Variants in MAP2K5 observed in about 807,000 individuals in gnomAD.
The protein encoded by MAP2K5 is mitogen-activated protein kinase kinase 5.
A neutral mutation model predicts 83.1 loss-of-function variants in MAP2K5; 49 were observed. That is an observed-to-expected ratio of 0.59 (90% CI 0.47 to 0.75). MAP2K5 has a LOEUF of 0.75. Among genes scored for constraint, MAP2K5 ranks in the 30% least tolerant of loss-of-function variants. The pLI, the probability that MAP2K5 is intolerant of heterozygous loss-of-function variation, is 0.00. For synonymous variants in MAP2K5, 202 were observed against 191.8 expected, an observed-to-expected ratio of 1.05 and a Z score of -0.44; for missense variants, 457 against 557.5, an observed-to-expected ratio of 0.82 and a Z score of 1.82.
rs551487476 is a variant in MAP2K5, at chr15:67,758,003, G to C, written c.1134+9402G>C. 3.3e-5 allele frequency among the ~76,000 whole-genome samples: 5 copies of C among 152,196 alleles called. No individual in the cohort carries two copies. In the South Asian group the frequency reaches 8.3e-4, roughly 25 times the overall value. On this transcript the variant is annotated intron_variant, in intron 19 of 21. Coordinates refer to ENST00000178640, the MANE Select transcript of MAP2K5 (RefSeq NM_145160.3). The surrounding 1 kb of genome is among the most constrained non-coding windows in gnomAD (Gnocchi z 4.7). The stretch of plus-strand genomic sequence containing the variant: ...CAGTATGGCTGGGGTGTTTGGGCAA[G>C]TATTATGAGATATAAACCAAGGGCC...
chr15:67,794,362 G>A lies in MAP2K5; in HGVS notation c.1243-12284G>A, dbSNP rs948857996. 1.3e-5 allele frequency among the ~76,000 whole-genome samples: 2 copies of A among 152,170 alleles called. No individual in the cohort carries two copies. Among genetic ancestry groups the A allele is most frequent in the Admixed American group, 1.3e-4 (2 of 15,278 alleles). On this transcript the variant is annotated intron_variant, in intron 21 of 21. Transcript: ENST00000178640. The surrounding 1 kb of genome is among the most constrained non-coding windows in gnomAD (Gnocchi z 4.6). The stretch of plus-strand genomic sequence containing the variant: ...GATGATTTTTATTTGCTGCTGGGAT[G>A]CAAAACAATCAGAATTTTCGAAGAG...
rs1243831035 is a variant in MAP2K5 at position 67,758,773 on chromosome 15, ACT to A, written c.1134+10175_1134+10176del. Among the ~76,000 whole-genome samples the A allele has an allele frequency of 4.6e-5, 7 of 152,004 alleles. No homozygotes were observed. Among genetic ancestry groups the A allele is most frequent in the African/African-American group, 1.5e-4 (6 of 41,374 alleles). ...TCCTGTCACATTCTTTCCCCACAAC[ACT>A]CTATTTTACAGACAAGGAAACTGAG... On this transcript the variant is annotated intron_variant, in intron 19 of 21. Coordinates refer to ENST00000178640, the MANE Select transcript of MAP2K5 (RefSeq NM_145160.3). The surrounding 1 kb of genome is among the most constrained non-coding windows in gnomAD (Gnocchi z 4.7).
chr15:67,554,866 G>A (rs947644628), intron 2 of MAP2K5, among the ~76,000 whole-genome samples: 1 of 152,202 alleles, frequency 6.6e-6, no homozygotes, highest in Non-Finnish European at 1.5e-5. Context: ...ATCTAAATGA[G>A]TAATTTGCGT....
rs2090713992 is a variant in MAP2K5, at chr15:67,801,941, C to G, written c.1243-4705C>G. ...GTACATTCCTATTTCAGAAGAAGCT[C>G]AAAGCCCAACTAAGGGCAGACAGCG... On this transcript the variant is annotated intron_variant, in intron 21 of 21. Coordinates refer to ENST00000178640, the MANE Select transcript of MAP2K5 (RefSeq NM_145160.3). This position sits in a 1 kb window ranked among gnomAD's most constrained non-coding sequence, Gnocchi z 4.8. 6.6e-6 allele frequency among the ~76,000 whole-genome samples: 1 copy of G among 152,216 alleles called. No individual in the cohort carries two copies. Among genetic ancestry groups the G allele is most frequent in the Non-Finnish European group, 1.5e-5 (1 of 68,036 alleles).
intron 4 of MAP2K5, among the ~76,000 whole-genome samples, chr15:67,582,773 T>A (rs1469946877): frequency 7.9e-5 from 12 of 152,004 alleles, no homozygotes; most frequent in Admixed American, 7.9e-4. Context: ...GTGAGCCATG[T>A]TTGTGCCACT....
intron 13 of MAP2K5, among the ~76,000 whole-genome samples, chr15:67,688,132 T>G (rs965856069): frequency 2.0e-5 from 3 of 152,224 alleles, no homozygotes; most frequent in Admixed American, 6.5e-5. Flanking sequence ...CATAGTAGTA[T>G]TCCAGGGACA....
chr15:67,628,419 G>A (rs183793613), intron 8 of MAP2K5: 6,297 of 548,646 alleles, frequency 0.011, 46 homozygotes, highest in Non-Finnish European at 0.016. Flanking sequence ...GGCAGTGGCT[G>A]TGGTGAGCCA....
chr15:67,543,380 G>A lies in MAP2K5; in HGVS notation c.45G>A (p.Gln15=). ...GCCCCTTTCCTGCCATGGAGAACCAGGTGCTGGTAATTCGCATCAAGATCC... is the reference window on the plus strand; with the variant it reads ...GCCCCTTTCCTGCCATGGAGAACCAAGTGCTGGTAATTCGCATCAAGATCC... ...ALGPFPAMEN[Q]VLVIRIKIPN... is the part of the protein sequence containing the mutation. Residue 15 remains glutamine (Q), a synonymous_variant, in exon 1 of 22, where the codon CAG becomes CAA. Coordinates refer to ENST00000178640, the MANE Select transcript of MAP2K5 (RefSeq NM_145160.3). The surrounding 1 kb of genome is among the most constrained non-coding windows in gnomAD (Gnocchi z 4.3). The A allele has an allele frequency of 2.5e-6, 4 of 1,614,228 alleles. No individual in the cohort carries two copies. Among genetic ancestry groups the A allele is most frequent in the Non-Finnish European group, 3.4e-6 (4 of 1,180,050 alleles).
At chr15:67,575,637 G>GT (rs2085039497) in intron 3 of MAP2K5, among the ~76,000 whole-genome samples, 1 of 152,124 alleles carries the variant, frequency 6.6e-6, no homozygotes, top group African/African-American at 2.4e-5. Context: ...ATAAATATAC[G>GT]TTTTATGCCC....
intron 8 of MAP2K5, among the ~76,000 whole-genome samples, chr15:67,603,981 C>T (rs1659690027): frequency 6.6e-6 from 1 of 152,184 alleles, no homozygotes; most frequent in Non-Finnish European, 1.5e-5. Context: ...TTTAATAATG[C>T]AGTCTTATTC....
intron 13 of MAP2K5, chr15:67,679,613 C>A (rs1442357326): frequency 6.6e-6 from 1 of 152,038 alleles, no homozygotes; most frequent in Non-Finnish European, 1.5e-5. Flanking sequence ...AGGCCTAGAG[C>A]ATATCAGTTC....
intron 3 of MAP2K5, among the ~76,000 whole-genome samples, chr15:67,570,443 T>C (rs1324334749): frequency 1.3e-5 from 2 of 152,214 alleles, no homozygotes; most frequent in African/African-American, 2.4e-5. Flanking sequence ...TTGTACACAT[T>C]GTAGTCTCCT....
At chr15:67,556,319 A>T (rs899446976) in intron 2 of MAP2K5, among the ~76,000 whole-genome samples, 2 of 152,102 alleles carry the variant, frequency 1.3e-5, no homozygotes, top group African/African-American at 4.8e-5. Flanking sequence ...GGTCAAACTT[A>T]CTTATTTTCC....
At chr15:67,571,862 A>G (rs61081821) in intron 3 of MAP2K5, among the ~76,000 whole-genome samples, 19,349 of 152,136 alleles carry the variant, frequency 0.13, 1,305 homozygotes, top group East Asian at 0.21. Context: ...TTTATTGGAT[A>G]GCAGTTCTCT....
At chr15:67,588,530 A>T (rs1567293136) in intron 6 of MAP2K5, among the ~76,000 whole-genome samples, 2 of 152,352 alleles carry the variant, frequency 1.3e-5, no homozygotes, top group East Asian at 3.9e-4. Context: ...GAGGGCAGTG[A>T]CTGTAGCATA....
chr15:67,553,876 G>A (rs955616578), intron 2 of MAP2K5, among the ~76,000 whole-genome samples: 6 of 123,516 alleles, frequency 4.9e-5, no homozygotes, highest in African/African-American at 1.8e-4. Flanking sequence ...TTGCGCCACT[G>A]CAGTCCGCAG....
chr15:67,696,793 C>T (rs1196493308), intron 15 of MAP2K5, among the ~76,000 whole-genome samples: 1 of 152,172 alleles, frequency 6.6e-6, no homozygotes, highest in Non-Finnish European at 1.5e-5. Flanking sequence ...GGCTGACCAA[C>T]ATGGAGAAAC....
chr15:67,548,062 G>C (rs892960884), intron 1 of MAP2K5, among the ~76,000 whole-genome samples: 11 of 152,182 alleles, frequency 7.2e-5, no homozygotes, highest in African/African-American at 2.4e-4. Context: ...AGCATGTGCA[G>C]TGCCTTGTTT....
chr15:67,711,669 ACG>A (rs1285718694), intron 16 of MAP2K5, among the ~76,000 whole-genome samples: 1 of 43,254 alleles, frequency 2.3e-5, no homozygotes, highest in African/African-American at 7.4e-5. Context: ...ACAGGCGTGC[ACG>A]CACACACACA....
Sources: allele counts gnomAD v4.1 joint callset (sites outside exome capture counted in the v4.1 genomes callset), GRCh38; gene constraint gnomAD v4.1.1; non-coding constraint Gnocchi (gnomAD v3.1); transcripts MANE v1.5; gene names NCBI Gene and HGNC (gene_info 2026-07-23, HGNC 2026-07-21).